The following CACNA1C variants were observed in gnomAD, a reference collection of about 807,000 sequenced individuals.
CACNA1C encodes the protein voltage-dependent L-type calcium channel subunit alpha-1C.
CACNA1C carries 30 observed loss-of-function variants against 229.0 expected under a neutral mutation model. That is an observed-to-expected ratio of 0.13 (90% CI 0.10 to 0.18). The LOEUF (loss-of-function observed/expected upper bound fraction) is 0.18. Ranked by LOEUF, CACNA1C falls within the 10% of genes least tolerant of loss-of-function variation. CACNA1C has a pLI of 1.00. For missense variants in CACNA1C, 1,658 were observed against 2,845.0 expected, an observed-to-expected ratio of 0.58 and a Z score of 9.49; for synonymous variants, 1,114 against 1,132.5, an observed-to-expected ratio of 0.98 and a Z score of 0.33.
rs1175419870 is a variant in CACNA1C, at chr12:2,566,180, A to G, written c.1509-242A>G. ...TATAAGGTATTTGATCCATCCCCAC[A>G]ATAACCCCATGAGGTCGGCCCTCTT... On this transcript the variant is annotated intron_variant, in intron 11 of 46. Transcript: ENST00000399655. The surrounding 1 kb of genome is among the most constrained non-coding windows in gnomAD (Gnocchi z 4.0). 1.3e-5 allele frequency among the ~76,000 whole-genome samples: 2 copies of G among 152,202 alleles called. No homozygotes were observed. The highest frequency in any genetic ancestry group is 1.3e-4 in the Admixed American group (2 of 15,282).
intron 9 of CACNA1C, among the ~76,000 whole-genome samples, chr12:2,518,812 A>G (rs1339901883): frequency 2.6e-5 from 4 of 152,194 alleles, no homozygotes; most frequent in Non-Finnish European, 5.9e-5. Context: ...CTGCCAGGCC[A>G]TGAAGTGAGA....
chr12:2,239,890 G>A (rs1458409311), intron 3 of CACNA1C, among the ~76,000 whole-genome samples: 1 of 152,264 alleles, frequency 6.6e-6, no homozygotes, highest in Admixed American at 6.5e-5. Flanking sequence ...ATGGCCAGGG[G>A]AGTGGGATGC....
rs1219107591 is a variant in CACNA1C at position 2,152,838 on chromosome 12, G to T, written c.477+32408G>T. On this transcript the variant is annotated intron_variant, in intron 3 of 46. Transcript: ENST00000399655. This position sits in a 1 kb window ranked among gnomAD's most constrained non-coding sequence, Gnocchi z 4.2. ...GTTTCCCATGTCACCCACAGGACTG[G>T]TGTGCCCGGTAGGAAAGATTGGTAG... is the stretch of plus-strand genomic sequence containing the variant. Among the ~76,000 whole-genome samples, 2 of 152,182 alleles carry T rather than the reference G, an allele frequency of 1.3e-5. No individual in the cohort carries two copies. The highest frequency in any genetic ancestry group is 2.9e-5 in the Non-Finnish European group (2 of 68,036).
At chr12:2,463,914 C>T (rs2099532788) in intron 5 of CACNA1C, among the ~76,000 whole-genome samples, 1 of 152,206 alleles carries the variant, frequency 6.6e-6, no homozygotes, top group South Asian at 2.1e-4. Flanking sequence ...AAGACTAAGC[C>T]ATATGGAGGA....
rs553741294 is a variant in CACNA1C, at chr12:2,682,479, G to C, written c.5445-71G>C. 2.2e-4 allele frequency: 341 copies of C among 1,566,386 alleles called. No homozygotes were observed. In the African/African-American group the frequency reaches 4.2e-3, roughly 19 times the overall value. On this transcript the variant is annotated intron_variant, in intron 42 of 46. Coordinates refer to ENST00000399655, the MANE Select transcript of CACNA1C (RefSeq NM_000719.7). ...ACCTGCATGTGTGTGCGTGTGTGATGCTTTACTTGCTGAAGGAAGTGGAGG... is the reference window on the plus strand; with the variant it reads ...ACCTGCATGTGTGTGCGTGTGTGATCCTTTACTTGCTGAAGGAAGTGGAGG...
At chr12:2,194,204 C>G (rs1315946822) in intron 3 of CACNA1C, among the ~76,000 whole-genome samples, 1 of 147,544 alleles carries the variant, frequency 6.8e-6, no homozygotes, top group African/African-American at 2.5e-5. Context: ...CCTGCTCCCC[C>G]CTGTGTTCCT....
chr12:2,157,454 C>T (rs373173940), intron 3 of CACNA1C, among the ~76,000 whole-genome samples: 4 of 152,200 alleles, frequency 2.6e-5, no homozygotes, highest in East Asian at 3.9e-4. Flanking sequence ...ACGCCCGGGG[C>T]GAATACAGGG....
intron 3 of CACNA1C, among the ~76,000 whole-genome samples, chr12:2,284,020 A>G (rs1188655646): frequency 6.6e-6 from 1 of 152,112 alleles, no homozygotes; most frequent in African/African-American, 2.4e-5. Flanking sequence ...AAACAGCAGT[A>G]TACCCGGGTG....
intron 3 of CACNA1C, among the ~76,000 whole-genome samples, chr12:2,386,984 T>C (rs1377799571): frequency 6.6e-6 from 1 of 152,242 alleles, no homozygotes; most frequent in African/African-American, 2.4e-5. Flanking sequence ...CTGCTAGACG[T>C]GGTGTGAAGA....
intron 3 of CACNA1C, among the ~76,000 whole-genome samples, chr12:2,161,552 G>A (rs1226574472): frequency 1.3e-5 from 2 of 152,184 alleles, no homozygotes; most frequent in African/African-American, 4.8e-5. Context: ...TAAATGCTTC[G>A]GCAAGGCAAA....
intron 1 of CACNA1C, among the ~76,000 whole-genome samples, chr12:2,101,675 G>A (rs1031967971): frequency 2.0e-5 from 3 of 152,084 alleles, no homozygotes; most frequent in East Asian, 1.9e-4. Context: ...AGGTCCTGCC[G>A]GTTCCCAAGG....
intron 20 of CACNA1C, chr12:2,596,287 C>A: frequency 3.3e-6 from 1 of 303,276 alleles, no homozygotes; most frequent in Non-Finnish European, 6.1e-6. Context: ...TAGTTCCCTG[C>A]AAACTTAGTA....
chr12:2,200,894 G>A (rs1337724286), intron 3 of CACNA1C, among the ~76,000 whole-genome samples: 1 of 152,176 alleles, frequency 6.6e-6, no homozygotes. Context: ...AGGTTCTGAG[G>A]TTTAGGTTGG....
At chr12:2,135,484 T>C (rs539861847) in intron 3 of CACNA1C, among the ~76,000 whole-genome samples, 2,969 of 131,886 alleles carry the variant, frequency 0.023, 54 homozygotes, top group Middle Eastern at 0.04. Context: ...GATGGGTTTT[T>C]GGTGTGGATG....
At position 2,602,630 on chromosome 12, in the gene CACNA1C, T is replaced by TTGTGTGTGTGTG. The variant is rs3062140; in HGVS notation, c.2960+699_2960+710dup. Among the ~76,000 whole-genome samples, 2 of 140,796 alleles carry TTGTGTGTGTGTG rather than the reference T, an allele frequency of 1.4e-5. No individual in the cohort carries two copies. The highest frequency in any genetic ancestry group is 6.9e-5 in the Admixed American group (1 of 14,504). The allele number at this position is 140,796 out of a possible 152,430, so 92.4% of individuals were successfully genotyped here. A position where few individuals can be genotyped will look rare whatever the true frequency, so the allele number is the denominator to read the frequency against. On this transcript the variant is annotated intron_variant, in intron 22 of 46. Transcript: ENST00000399655. This position sits in a 1 kb window ranked among gnomAD's most constrained non-coding sequence, Gnocchi z 4.4. ...GTGTGTGACTGTGTATATTTGTGTCTTGTGTGTGTGTGTGTGTGTGTGTGT... is the reference window on the plus strand; with the variant it reads ...GTGTGTGACTGTGTATATTTGTGTCTTGTGTGTGTGTGTGTGTGTGTGTGTGTGTGTGTGTGT...
intron 3 of CACNA1C, among the ~76,000 whole-genome samples, chr12:2,153,833 A>T (rs1446104242): frequency 6.6e-6 from 1 of 152,204 alleles, no homozygotes; most frequent in Non-Finnish European, 1.5e-5. Flanking sequence ...CATTAATAAG[A>T]TAATTGGAAG....
intron 3 of CACNA1C, among the ~76,000 whole-genome samples, chr12:2,357,766 T>C (rs1424542975): frequency 1.3e-5 from 2 of 151,090 alleles, no homozygotes; most frequent in African/African-American, 4.9e-5. Context: ...AGGTCAGCAG[T>C]TCGAGACCAG....
chr12:2,617,557 G>A (rs570281510), intron 29 of CACNA1C, among the ~76,000 whole-genome samples: 13 of 152,346 alleles, frequency 8.5e-5, no homozygotes, highest in African/African-American at 3.1e-4. Context: ...GTGGGGGCAG[G>A]GATCCTGTGG....
In CACNA1C at chr12:2,034,148, C is replaced by T. The variant is rs10774017; in HGVS notation, c.139+62947C>T. On this transcript the variant is annotated intron_variant, in intron 1 of 46. Transcript: ENST00000682462. This position sits in a 1 kb window ranked among gnomAD's most constrained non-coding sequence, Gnocchi z 4.1. ...CACAGCAACCCCATGAGGTGGATAT[C>T]TTTATTCCTATTATACAGATGATGA... Among the ~76,000 whole-genome samples, 92,263 of 152,070 alleles carry T rather than the reference C, an allele frequency of 0.61. 29,862 individuals carry two copies. The highest frequency in any genetic ancestry group is 0.85 in the East Asian group (4,416 of 5,174).
Sources: gnomAD v4.1 joint callset for allele counts (sites outside exome capture counted in the v4.1 genomes callset) on GRCh38, gnomAD v4.1.1 for gene constraint, Gnocchi (gnomAD v3.1) non-coding constraint, MANE v1.5 for transcripts, NCBI Gene and HGNC (gene_info 2026-07-23, HGNC 2026-07-21) for gene names.